Variants in ME3 observed in about 807,000 individuals in gnomAD.
ME3 encodes the protein malic enzyme 3.
In ME3, 48 loss-of-function variants were observed where a neutral mutation model predicts 68.9. That is an observed-to-expected ratio of 0.70 (90% CI 0.55 to 0.89). ME3 has a LOEUF of 0.89. ME3 is among the 40% of genes least tolerant of loss of function. The pLI, the probability that ME3 is intolerant of heterozygous loss-of-function variation, is 0.00. For missense variants in ME3, 675 were observed against 797.4 expected (o/e 0.85, Z 1.85); for synonymous variants, 320 against 318.8 (o/e 1.00, Z -0.04).
chr11:86,474,981 A>G (rs1950977766), intron 7 of ME3, among the ~76,000 whole-genome samples: 1 of 152,268 alleles, frequency 6.6e-6, no homozygotes. Flanking sequence ...ATAAATAGGA[A>G]AACAAATAAC....
chr11:86,600,989 A>G (rs1274163171), intron 2 of ME3, among the ~76,000 whole-genome samples: 11 of 152,044 alleles, frequency 7.2e-5, no homozygotes, highest in Non-Finnish European at 1.3e-4. Context: ...AAATGCCCAC[A>G]AGAGAAAGCA....
At chr11:86,656,178 G>T (rs1945855435) in intron 2 of ME3, among the ~76,000 whole-genome samples, 1 of 151,420 alleles carries the variant, frequency 6.6e-6, no homozygotes, top group Non-Finnish European at 1.5e-5. Context: ...AACCATTGTG[G>T]AAGTCAGTGT....
At chr11:86,599,229 G>C (rs1173463092) in intron 2 of ME3, among the ~76,000 whole-genome samples, 6 of 152,168 alleles carry the variant, frequency 3.9e-5, no homozygotes, top group Non-Finnish European at 7.3e-5. Flanking sequence ...TGTATAACTA[G>C]AATAACCGAT....
chr11:86,663,746 TA>T (rs1304251706), intron 2 of ME3, among the ~76,000 whole-genome samples: 1 of 151,924 alleles, frequency 6.6e-6, no homozygotes, highest in Non-Finnish European at 1.5e-5. Flanking sequence ...AAATGTGAAG[TA>T]AAATAAGGCC....
intron 2 of ME3, among the ~76,000 whole-genome samples, chr11:86,665,459 G>A (rs1351416237): frequency 1.3e-5 from 2 of 152,100 alleles, no homozygotes; most frequent in Admixed American, 6.5e-5. Flanking sequence ...GCAAAGTCTG[G>A]GTAGGAGCAC....
At chr11:86,438,703 C>T (rs528954123), downstream of ME3, among the ~76,000 whole-genome samples, 1 of 152,072 alleles carries the variant, frequency 6.6e-6, no homozygotes, top group South Asian at 2.1e-4. Context: ...TGTTTGCTTT[C>T]CCCCACCCCC....
intron 5 of ME3, among the ~76,000 whole-genome samples, chr11:86,501,244 T>G (rs1001085361): frequency 2.0e-5 from 3 of 152,114 alleles, no homozygotes; most frequent in Admixed American, 6.6e-5. Context: ...ATGTCTCATT[T>G]TAACCTGGTG....
chr11:86,508,752 A>G, intron 5 of ME3, 40 bp downstream of exon 5: 2 of 1,548,630 alleles, frequency 1.3e-6, no homozygotes, highest in South Asian at 1.1e-5. Flanking sequence ...GAAATGATTC[A>G]CCCAACAATG....
At chr11:86,659,068 GTGTAA>G (rs112338502) in intron 2 of ME3, among the ~76,000 whole-genome samples, 3 of 152,160 alleles carry the variant, frequency 2.0e-5, no homozygotes, top group African/African-American at 7.2e-5. Context: ...CTGTCAGTTT[GTGTAA>G]TGTTTTCAAG....
intron 4 of ME3, among the ~76,000 whole-genome samples, chr11:86,517,626 T>C (rs765088238): frequency 3.3e-5 from 5 of 152,200 alleles, no homozygotes; most frequent in Non-Finnish European, 7.4e-5. Context: ...GCATCCACTG[T>C]TCTTTCAACA....
chr11:86,561,222 G>A (rs566444923), intron 2 of ME3, among the ~76,000 whole-genome samples: 1 of 151,818 alleles, frequency 6.6e-6, no homozygotes, highest in Non-Finnish European at 1.5e-5. Flanking sequence ...TTTTGTTTTT[G>A]TTTTTGTTTT....
intron 4 of ME3, among the ~76,000 whole-genome samples, chr11:86,524,984 A>G (rs1292341015): frequency 6.6e-6 from 1 of 152,228 alleles, no homozygotes; most frequent in East Asian, 1.9e-4. Flanking sequence ...AAAGGCCAAA[A>G]AAGTATTTGC....
chr11:86,646,512 A>G (rs113928227), intron 2 of ME3, among the ~76,000 whole-genome samples: 24 of 152,340 alleles, frequency 1.6e-4, no homozygotes, highest in Non-Finnish European at 2.6e-4. Context: ...ACAAAGAATG[A>G]AAAGTAACAA....
intron 4 of ME3, among the ~76,000 whole-genome samples, chr11:86,520,049 T>C (rs1204446758): frequency 2.0e-5 from 3 of 152,228 alleles, no homozygotes; most frequent in African/African-American, 7.2e-5. Flanking sequence ...TGAACAACCA[T>C]AGCTAACTTC....
intron 2 of ME3, among the ~76,000 whole-genome samples, chr11:86,587,352 T>C (rs1594558168): frequency 6.6e-6 from 1 of 152,160 alleles, no homozygotes; most frequent in African/African-American, 2.4e-5. Context: ...CAGGCCCAGG[T>C]CAAGGAGAGC....
At chr11:86,554,973 G>T (rs909032192) in intron 4 of ME3, among the ~76,000 whole-genome samples, 2 of 152,218 alleles carry the variant, frequency 1.3e-5, no homozygotes, top group Non-Finnish European at 2.9e-5. Context: ...GCCAAGAAAG[G>T]GGTGGTCAGT....
At chr11:86,547,025 T>G (rs1197820450) in intron 4 of ME3, among the ~76,000 whole-genome samples, 1 of 151,836 alleles carries the variant, frequency 6.6e-6, no homozygotes, top group East Asian at 1.9e-4. Flanking sequence ...GATCACAAGG[T>G]CAGGAGATTG....
exon 2 of ME3, chr11:86,671,874 C>A (rs746987793): frequency 2.6e-6 from 4 of 1,556,286 alleles, no homozygotes; most frequent in Non-Finnish European, 3.5e-6. Flanking sequence ...GGGTGTCCAG[C>A]GCGGGAGGGC....
intron 2 of ME3, among the ~76,000 whole-genome samples, chr11:86,649,349 C>T (rs2135422121): frequency 6.6e-6 from 1 of 152,240 alleles, no homozygotes; most frequent in East Asian, 1.9e-4. Flanking sequence ...AAACCCACAG[C>T]CAATATCATA....
Sources: gnomAD v4.1 joint callset for allele counts (sites outside exome capture counted in the v4.1 genomes callset) on GRCh38, gnomAD v4.1.1 for gene constraint, MANE v1.5 for transcripts, NCBI Gene and HGNC (gene_info 2026-07-23, HGNC 2026-07-21) for gene names.